Variants in CYP27C1 observed in about 807,000 individuals in gnomAD.
The protein encoded by CYP27C1 is cytochrome P450 27C1.
A neutral mutation model predicts 40.6 loss-of-function variants in CYP27C1; 29 were observed. That is an observed-to-expected ratio of 0.71 (90% confidence interval 0.53 to 0.97). The LOEUF (loss-of-function observed/expected upper bound fraction) is 0.97. Among genes scored for constraint, CYP27C1 ranks in the 50% least tolerant of loss-of-function variants. The pLI is 0.00. For missense variants in CYP27C1, 390 were observed against 485.8 expected, an observed-to-expected ratio of 0.80 and a Z score of 1.85; for synonymous variants, 198 against 186.8, an observed-to-expected ratio of 1.06 and a Z score of -0.49.
rs1051310121 is a variant in CYP27C1, at chr2:127,209,363, C to A, written c.283-3273G>T. 6.6e-6 allele frequency among the ~76,000 whole-genome samples: 1 copy of A among 152,166 alleles called. No individual in the cohort carries two copies. The highest frequency in any genetic ancestry group is 1.9e-4 in the East Asian group (1 of 5,198). ...CCCCACAAAAACCCCATCCAAGGGT[C>A]AGCAGCCTCAAGACTGAAACTAGAC... On this transcript the variant is annotated intron_variant, in intron 1 of 8. Transcript: ENST00000664447. The surrounding 1 kb of genome is among the most constrained non-coding windows in gnomAD (Gnocchi z 4.1).
At chr2:127,188,524 C>G (rs55731116) in intron 8 of CYP27C1, among the ~76,000 whole-genome samples, 19,658 of 151,836 alleles carry the variant, frequency 0.13, 1,567 homozygotes, top group South Asian at 0.23. Flanking sequence ...AGGTATGAGC[C>G]ACCACTCTCG....
Position 127,220,070 on chromosome 2 carries a change from G to A in CYP27C1, c.201C>T (p.Ala67=), listed in dbSNP as rs1558936509. The change falls in exon 1 of 9, where the codon GCC becomes GCT. Residue 67 remains alanine (A), a synonymous_variant. Coordinates refer to ENST00000664447, the MANE Select transcript of CYP27C1 (RefSeq NM_001367502.1). The surrounding 1 kb of genome is among the most constrained non-coding windows in gnomAD (Gnocchi z 4.6). The part of the protein sequence containing the change: ...GGRAEGPRSL[A]AMPGPRTLAN... ...CGAGGGTCCTCGGCCCCGGCATGGC[G>A]GCGAGGCTCCGGGGACCCTCGGCTC... 6.6e-6 allele frequency: 1 copy of A among 151,580 alleles called. No homozygotes were observed. Among genetic ancestry groups the A allele is most frequent in the Non-Finnish European group, 1.5e-5 (1 of 67,866 alleles). 9.4% of individuals were successfully genotyped at this position (151,580 alleles called of 1,614,324 possible).
intron 1 of CYP27C1, among the ~76,000 whole-genome samples, chr2:127,217,945 T>C (rs1303381562): frequency 6.6e-6 from 1 of 152,102 alleles, no homozygotes; most frequent in Non-Finnish European, 1.5e-5. Context: ...AGTACCATAT[T>C]TGAGGGTTGG....
chr2:127,195,256 C>G lies in CYP27C1; in HGVS notation c.1214+79G>C, dbSNP rs1158312150. On this transcript the variant is annotated intron_variant, in intron 6 of 8. Coordinates refer to ENST00000664447, the MANE Select transcript of CYP27C1 (RefSeq NM_001367502.1). The surrounding 1 kb of genome is among the most constrained non-coding windows in gnomAD (Gnocchi z 6.2). ...ATCCTGAACAGGTCAGCCGGGGGGG[C>G]ATTTGGAGGACTTGTTGTGATAGAG... 5.7e-6 allele frequency: 9 copies of G among 1,576,062 alleles called. No homozygotes were observed. The highest frequency in any genetic ancestry group is 7.8e-6 in the Non-Finnish European group (9 of 1,153,064).
rs1328201669 is a variant in CYP27C1, at chr2:127,195,269, T to C, written c.1214+66A>G. ...CAGCCGGGGGGGCATTTGGAGGACT[T>C]GTTGTGATAGAGAACCAGGGACCTA... On this transcript the variant is annotated intron_variant, in intron 6 of 8. Transcript: ENST00000664447. This position sits in a 1 kb window ranked among gnomAD's most constrained non-coding sequence, Gnocchi z 6.2. The C allele has an allele frequency of 4.4e-6, 7 of 1,602,796 alleles. No individual in the cohort carries two copies. Among genetic ancestry groups the C allele is most frequent in the Non-Finnish European group, 5.1e-6 (6 of 1,173,176 alleles).
rs777832939 is a variant in CYP27C1, at chr2:127,185,646, T to G, written c.*1625A>C. ...TGCTACCACACAGAGATTTCAACTT[T>G]ATTATATACTTTAACAAAAATGGTA... On this transcript the variant is annotated 3_prime_UTR_variant, in exon 9 of 9. Transcript: ENST00000664447. The surrounding 1 kb of genome is among the most constrained non-coding windows in gnomAD (Gnocchi z 4.9). 6.6e-6 allele frequency: 1 copy of G among 152,358 alleles called. No individual in the cohort carries two copies. The highest frequency in any genetic ancestry group is 2.4e-5 in the African/African-American group (1 of 41,590). 9.4% of individuals were successfully genotyped at this position (152,358 alleles called of 1,614,324 possible).
chr2:127,202,541 T>A (rs1166428051), intron 3 of CYP27C1, among the ~76,000 whole-genome samples: 1 of 152,204 alleles, frequency 6.6e-6, no homozygotes, highest in African/African-American at 2.4e-5. Context: ...TGTATGTGCA[T>A]AAAACATCTC....
rs1248759394 is a variant in CYP27C1, at chr2:127,184,316, G to C, written c.*2955C>G. 6.6e-6 allele frequency: 1 copy of C among 151,670 alleles called. No individual in the cohort carries two copies. Among genetic ancestry groups the C allele is most frequent in the Non-Finnish European group, 1.5e-5 (1 of 67,958 alleles). 9.4% of individuals were successfully genotyped at this position (151,670 alleles called of 1,614,324 possible). A position where few individuals can be genotyped will look rare whatever the true frequency, so the allele number is the denominator to read the frequency against. ...TTTTACAAGTGGTTTATTTGAATCTGATTCAAACGAAGTCCAGCATTGTAC... is the reference window on the plus strand; with the variant it reads ...TTTTACAAGTGGTTTATTTGAATCTCATTCAAACGAAGTCCAGCATTGTAC... On this transcript the variant is annotated 3_prime_UTR_variant, in exon 9 of 9. Transcript: ENST00000664447.
intron 5 of CYP27C1, among the ~76,000 whole-genome samples, chr2:127,197,142 C>T (rs1042947298): frequency 3.3e-5 from 5 of 152,188 alleles, no homozygotes; most frequent in Non-Finnish European, 5.9e-5. Flanking sequence ...AGCTCAGCGA[C>T]GAAGCCATTC....
chr2:127,189,644 G>T (rs1212628217), intron 8 of CYP27C1, among the ~76,000 whole-genome samples: 1 of 147,310 alleles, frequency 6.8e-6, no homozygotes, highest in Non-Finnish European at 1.5e-5. Flanking sequence ...AAAAAGAAAG[G>T]CTCCACTGTT....
intron 2 of CYP27C1, 44 bp downstream of exon 2, chr2:127,205,856 G>A (rs984966159): frequency 1.5e-6 from 1 of 645,386 alleles, no homozygotes. Flanking sequence ...CTCCCCCTGA[G>A]CTCCCCCTCC....
chr2:127,212,883 G>C (rs973632845), intron 1 of CYP27C1, among the ~76,000 whole-genome samples: 1 of 152,180 alleles, frequency 6.6e-6, no homozygotes, highest in African/African-American at 2.4e-5. Context: ...AGTTATCTCT[G>C]TTTGCAGTTG....
intron 8 of CYP27C1, among the ~76,000 whole-genome samples, chr2:127,191,043 C>T (rs1459693181): frequency 4.6e-5 from 7 of 151,314 alleles, no homozygotes; most frequent in African/African-American, 1.5e-4. Flanking sequence ...GTCAATAGTT[C>T]GGGACCAGCC....
At position 127,185,864 on chromosome 2, in the gene CYP27C1, G is replaced by C. The variant is rs1682613960; in HGVS notation, c.*1407C>G. The C allele has an allele frequency of 6.6e-6, 1 of 152,194 alleles. No individual in the cohort carries two copies. The highest frequency in any genetic ancestry group is 1.5e-5 in the Non-Finnish European group (1 of 68,050). The allele number at this position is 152,194 out of a possible 1,614,324, so 9.4% of individuals were successfully genotyped here. Reference sequence around the variant, plus strand: ...GGCAAGAGCATCAGGAAATCACGGTGTTTCCTCTTAGCAACCGGTGAGCAG... The same window carrying C: ...GGCAAGAGCATCAGGAAATCACGGTCTTTCCTCTTAGCAACCGGTGAGCAG... On this transcript the variant is annotated 3_prime_UTR_variant, in exon 9 of 9. Coordinates refer to ENST00000664447, the MANE Select transcript of CYP27C1 (RefSeq NM_001367502.1). The surrounding 1 kb of genome is among the most constrained non-coding windows in gnomAD (Gnocchi z 4.9).
chr2:127,211,910 T>G (rs1177169807), intron 1 of CYP27C1, among the ~76,000 whole-genome samples: 2 of 152,034 alleles, frequency 1.3e-5, no homozygotes, highest in African/African-American at 4.8e-5. Flanking sequence ...AGGAACTGGT[T>G]TTTGGAAAAA....
chr2:127,204,851 G>A (rs950572934), intron 2 of CYP27C1, among the ~76,000 whole-genome samples: 14 of 152,104 alleles, frequency 9.2e-5, no homozygotes, highest in Non-Finnish European at 1.6e-4. Context: ...AAGTGCCCAC[G>A]AGCGTCACCC....
chr2:127,210,635 A>G (rs950593795), intron 1 of CYP27C1, among the ~76,000 whole-genome samples: 5 of 152,096 alleles, frequency 3.3e-5, no homozygotes, highest in Non-Finnish European at 7.4e-5. Flanking sequence ...GCAAAGACAC[A>G]CAGAGGCTCA....
chr2:127,198,118 C>A (rs1328869083), intron 5 of CYP27C1, among the ~76,000 whole-genome samples: 2 of 152,010 alleles, frequency 1.3e-5, no homozygotes, highest in Non-Finnish European at 2.9e-5. Context: ...CTGATATGAA[C>A]CCTCCCTGGT....
At chr2:127,204,527 A>C (rs1292797890) in intron 2 of CYP27C1, among the ~76,000 whole-genome samples, 1 of 44,086 alleles carries the variant, frequency 2.3e-5, no homozygotes, top group African/African-American at 8.6e-5. Context: ...GAAAGAAAGA[A>C]AGAAAGAAAG....
Sources: gnomAD v4.1 joint callset for allele counts (sites outside exome capture counted in the v4.1 genomes callset) on GRCh38, gnomAD v4.1.1 for gene constraint, Gnocchi (gnomAD v3.1) non-coding constraint, MANE v1.5 for transcripts, NCBI Gene and HGNC (gene_info 2026-07-23, HGNC 2026-07-21) for gene names.